Variants in VEZT observed in about 807,000 individuals in gnomAD.
VEZT encodes vezatin.
VEZT carries 39 observed loss-of-function variants against 79.9 expected under a neutral mutation model. The ratio of observed to expected loss-of-function variants is 0.49; its 90% CI spans 0.38 to 0.64. VEZT has a LOEUF of 0.64. Among genes scored for constraint, VEZT ranks in the 30% least tolerant of loss-of-function variants. The probability of loss-of-function intolerance (pLI) is 0.00; values close to 1 mark genes in which losing one functional copy is unlikely to be tolerated. For synonymous variants in VEZT, 325 were observed against 327.6 expected (o/e 0.99, Z 0.09); for missense variants, 837 against 893.1 (o/e 0.94, Z 0.80).
intron 2 of VEZT, among the ~76,000 whole-genome samples, chr12:95,255,967 C>A (rs965286659): frequency 1.3e-5 from 2 of 152,242 alleles, no homozygotes; most frequent in East Asian, 3.9e-4. Flanking sequence ...TCTCTTGGGT[C>A]ATAACTGTCC....
chr12:95,232,129 A>G (rs1277919231), intron 1 of VEZT, among the ~76,000 whole-genome samples: 1 of 152,232 alleles, frequency 6.6e-6, no homozygotes, highest in African/African-American at 2.4e-5. Flanking sequence ...TATATGTGAT[A>G]GTCACATTTA....
At chr12:95,274,285 C>G (rs976265298) in intron 6 of VEZT, among the ~76,000 whole-genome samples, 34 of 151,982 alleles carry the variant, frequency 2.2e-4, no homozygotes, top group African/African-American at 8.2e-4. Flanking sequence ...GACAACATGG[C>G]AAAACATCAT....
In VEZT at chr12:95,302,572, A is replaced by T. The variant is rs2075326586; in HGVS notation, c.*1899A>T. On this transcript the variant is annotated 3_prime_UTR_variant, in exon 12 of 12. Transcript: ENST00000436874. ...TTAAAATATTTAAAATATTTTCAAG[A>T]TAAAGTATTATCTTCTCTGCAAAAA... 6.6e-6 allele frequency: 1 copy of T among 152,154 alleles called. No homozygotes were observed. Among genetic ancestry groups the T allele is most frequent in the Admixed American group, 6.5e-5 (1 of 15,272 alleles). The allele number at this position is 152,154 out of a possible 1,614,324, so 9.4% of individuals were successfully genotyped here. A position where few individuals can be genotyped will look rare whatever the true frequency, so the allele number is the denominator to read the frequency against.
chr12:95,250,078 A>G (rs1274317649), intron 1 of VEZT, among the ~76,000 whole-genome samples: 1 of 121,442 alleles, frequency 8.2e-6, no homozygotes, highest in Non-Finnish European at 1.7e-5. Context: ...TTTAATTATT[A>G]TTATACTTTA....
chr12:95,300,479 G>T lies in VEZT; in HGVS notation c.2146G>T (p.Asp716Tyr). The T allele has an allele frequency of 3.1e-6, 5 of 1,613,890 alleles. No homozygotes were observed. The highest frequency in any genetic ancestry group is 4.2e-6 in the Non-Finnish European group (5 of 1,179,868). Residue 716 changes from aspartate to tyrosine, a missense_variant, in exon 12 of 12, where the codon GAC (aspartate) becomes TAC (tyrosine). By Grantham distance (160) the Asp-to-Tyr change is radical. Coordinates refer to ENST00000436874, the MANE Select transcript of VEZT (RefSeq NM_017599.4). ...GACCACTGCCCCTCCAACTCCCAGGGACTCATTACAGCCCTCCATTAAGCA... is the reference window on the plus strand; with the variant it reads ...GACCACTGCCCCTCCAACTCCCAGGTACTCATTACAGCCCTCCATTAAGCA... ...GLTTAPPTPRDSLQPSIKQRL... is the reference protein window; with the variant it reads ...GLTTAPPTPRYSLQPSIKQRL...
chr12:95,286,994 G>C (rs2071106363), intron 8 of VEZT, among the ~76,000 whole-genome samples: 1 of 151,432 alleles, frequency 6.6e-6, no homozygotes, highest in South Asian at 2.1e-4. Context: ...AGTGGGGGTG[G>C]GGTGGGGTAG....
At position 95,287,684 on chromosome 12, in the gene VEZT, A is replaced by T; in HGVS notation, c.1349A>T (p.Glu450Val). 6.4e-7 allele frequency: 1 copy of T among 1,569,814 alleles called. No homozygotes were observed. The highest frequency in any genetic ancestry group is 8.6e-7 in the Non-Finnish European group (1 of 1,156,580). ...LLNEVIILED[E>V]LEKLVCTKET... is the part of the protein sequence containing the mutation. ...CTCAGGGTAATAATTCTTGAAGATG[A>T]ACTTGAAAAGCTTGTTTGTACTAAA... The change falls in exon 9 of 12, where the codon GAA becomes GTA. Residue 450 changes from glutamate (E) to valine (V), a missense_variant. By Grantham distance (121) the Glu-to-Val change is moderately radical. Coordinates refer to ENST00000436874, the MANE Select transcript of VEZT (RefSeq NM_017599.4).
Position 95,294,335 on chromosome 12 carries a change from T to C in VEZT, c.1586T>C (p.Leu529Pro). 6.3e-7 allele frequency: 1 copy of C among 1,590,422 alleles called. No individual in the cohort carries two copies. The highest frequency in any genetic ancestry group is 8.6e-7 in the Non-Finnish European group (1 of 1,167,818). ...CTVVPLKQPT[L>P]HIADKDPIPE... Reference sequence around the variant, plus strand: ...GTAGTACCTTTGAAGCAGCCTACTCTACACATTGCAGACAAAGATCCAATC... The same window carrying C: ...GTAGTACCTTTGAAGCAGCCTACTCCACACATTGCAGACAAAGATCCAATC... Residue 529 changes from leucine (L) to proline (P), a missense_variant, in exon 10 of 12, where the codon CTA becomes CCA. Transcript: ENST00000436874.
rs1200714803 is a variant in VEZT at position 95,251,948 on chromosome 12, A to G, written c.45A>G (p.Pro15=). The change falls in exon 2 of 12, where the codon CCA becomes CCG. Residue 15 remains proline, a synonymous_variant. Transcript: ENST00000436874. ...FDEEVVFENS[P]LYQYLQDLGH... ...TTTTGTGTCTTTTTCAGAATTCTCC[A>G]CTTTACCAATACTTACAGGATCTGG... The G allele has an allele frequency of 6.2e-6, 10 of 1,600,348 alleles. No homozygotes were observed. The highest frequency in any genetic ancestry group is 7.7e-6 in the Non-Finnish European group (9 of 1,175,930).
chr12:95,271,426 C>T (rs890928936), intron 6 of VEZT, among the ~76,000 whole-genome samples: 9 of 152,058 alleles, frequency 5.9e-5, no homozygotes, highest in Admixed American at 2.0e-4. Flanking sequence ...CCGTGGGTGC[C>T]TTCCAACATA....
At chr12:95,261,636 C>T (rs1172027094) in intron 3 of VEZT, among the ~76,000 whole-genome samples, 1 of 152,200 alleles carries the variant, frequency 6.6e-6, no homozygotes, top group Non-Finnish European at 1.5e-5. Flanking sequence ...GTCTCGAAAT[C>T]CTGACCTCAG....
At position 95,296,263 on chromosome 12, in the gene VEZT, G is replaced by C. The variant is rs776338676; in HGVS notation, c.1831+5G>C. On this transcript the variant is annotated splice_donor_5th_base_variant and intron_variant, in intron 11 of 11. Coordinates refer to ENST00000436874, the MANE Select transcript of VEZT (RefSeq NM_017599.4). ...AACTTCTATTTAGTGATCATGGTAAGCACTGACTTTAAAGTAACAGGTTAT... is the reference window on the plus strand; with the variant it reads ...AACTTCTATTTAGTGATCATGGTAACCACTGACTTTAAAGTAACAGGTTAT... 2.0e-5 allele frequency: 32 copies of C among 1,569,822 alleles called. No individual in the cohort carries two copies. The highest frequency in any genetic ancestry group is 2.8e-5 in the Non-Finnish European group (32 of 1,157,316).
At chr12:95,236,677 T>A (rs1489842126) in intron 1 of VEZT, among the ~76,000 whole-genome samples, 1 of 151,934 alleles carries the variant, frequency 6.6e-6, no homozygotes, top group Admixed American at 6.6e-5. Context: ...TTCAGGTGAT[T>A]CTCCTGCTTC....
At chr12:95,261,136 A>T (rs1308043788) in intron 3 of VEZT, among the ~76,000 whole-genome samples, 1 of 152,172 alleles carries the variant, frequency 6.6e-6, no homozygotes, top group Non-Finnish European at 1.5e-5. Context: ...TTCTTCTCTA[A>T]AAGTGGCATA....
intron 7 of VEZT, among the ~76,000 whole-genome samples, chr12:95,281,181 T>C (rs961751583): frequency 6.6e-5 from 10 of 152,296 alleles, no homozygotes; most frequent in African/African-American, 1.9e-4. Flanking sequence ...TGAATAGGAC[T>C]ATATCTGGAG....
At chr12:95,256,600 T>G (rs1261261743) in intron 2 of VEZT, 1 of 1,289,838 alleles carries the variant, frequency 7.8e-7, no homozygotes, top group Admixed American at 2.3e-5. Flanking sequence ...CTTACTGGCA[T>G]GCTCAAGGAA....
In VEZT at chr12:95,280,453, C is replaced by T. The variant is rs2068766930; in HGVS notation, c.997-1860C>T. ...TCCTTCGCGCTTTCTGTCTCTCTCC[C>T]CCCCTTTCATATGTGTACACACACA... is the stretch of plus-strand genomic sequence containing the variant. On this transcript the variant is annotated intron_variant, in intron 7 of 11. Coordinates refer to ENST00000436874, the MANE Select transcript of VEZT (RefSeq NM_017599.4). Among the ~76,000 whole-genome samples the T allele has an allele frequency of 2.1e-5, 3 of 143,748 alleles. No homozygotes were observed. The Admixed American group carries it at 2.1e-4, about 10-fold the overall frequency. The allele number at this position is 143,748 out of a possible 152,430, so 94.3% of individuals were successfully genotyped here.
intron 7 of VEZT, among the ~76,000 whole-genome samples, chr12:95,276,682 C>T (rs1046711678): frequency 1.3e-5 from 2 of 152,050 alleles, no homozygotes; most frequent in East Asian, 1.9e-4. Context: ...CCCTTGATAC[C>T]GTGAAAATTA....
rs773042173 is a variant in VEZT at position 95,274,802 on chromosome 12, A to C, written c.909A>C (p.Lys303Asn). Reference protein sequence around the residue: ...VTNYICVVPFKELGLGLSEEQ... With the variant: ...VTNYICVVPFNELGLGLSEEQ... ...ACTACATCTGTGTGGTGCCTTTTAA[A>C]GAGCTGGGCCTTGGACTTAGTGAAG... The change falls in exon 7 of 12, where the codon AAA (lysine) becomes AAC (asparagine). Residue 303 changes from lysine (K) to asparagine (N), a missense_variant. Physicochemically the swap from Lys to Asn is moderately conservative, Grantham distance 94. Coordinates refer to ENST00000436874, the MANE Select transcript of VEZT (RefSeq NM_017599.4). 6 of 1,613,840 alleles carry C rather than the reference A, an allele frequency of 3.7e-6. No individual in the cohort carries two copies. The highest frequency in any genetic ancestry group is 5.1e-6 in the Non-Finnish European group (6 of 1,179,862).
Sources: allele counts gnomAD v4.1 joint callset (sites outside exome capture counted in the v4.1 genomes callset), GRCh38; gene constraint gnomAD v4.1.1; transcripts MANE v1.5; gene names NCBI Gene and HGNC (gene_info 2026-07-23, HGNC 2026-07-21).